The following SCN2A variants were observed in gnomAD, a reference collection of about 807,000 sequenced individuals.
SCN2A encodes sodium channel protein type 2 subunit alpha.
SCN2A carries 20 observed loss-of-function variants against 188.7 expected under a neutral mutation model. That is an observed-to-expected ratio of 0.11 (90% CI 0.07 to 0.15). The LOEUF (loss-of-function observed/expected upper bound fraction) is 0.15. Among genes scored for constraint, SCN2A ranks in the 10% least tolerant of loss-of-function variants. The pLI is 1.00. For missense variants in SCN2A, 1,278 were observed against 2,445.0 expected, an observed-to-expected ratio of 0.52 and a Z score of 10.07; for synonymous variants, 804 against 833.1, an observed-to-expected ratio of 0.97 and a Z score of 0.60.
intron 17 of SCN2A, among the ~76,000 whole-genome samples, chr2:165,359,067 C>T (rs1431514464): frequency 2.6e-5 from 4 of 152,054 alleles, no homozygotes; most frequent in Non-Finnish European, 5.9e-5. Context: ...GTGTAGTTGG[C>T]TATTTGGAAG....
intron 11 of SCN2A, among the ~76,000 whole-genome samples, chr2:165,316,454 A>T (rs888810438): frequency 1.3e-5 from 2 of 152,224 alleles, no homozygotes; most frequent in Non-Finnish European, 2.9e-5. Flanking sequence ...TTTAAAATTT[A>T]GAATCTTAAT....
At chr2:165,323,538 T>A in intron 12 of SCN2A, 38 bp downstream of exon 12, 1 of 1,546,450 alleles carries the variant, frequency 6.5e-7, no homozygotes, top group Non-Finnish European at 8.8e-7. Flanking sequence ...GTGAAGAGAG[T>A]TGTGACTGGT....
At chr2:165,337,120 A>G (rs532174840) in intron 14 of SCN2A, among the ~76,000 whole-genome samples, 1 of 152,118 alleles carries the variant, frequency 6.6e-6, no homozygotes, top group African/African-American at 2.4e-5. Context: ...GAAAAAAATG[A>G]AAACTGTAAA....
chr2:165,358,225 T>C (rs1185638530), intron 17 of SCN2A, among the ~76,000 whole-genome samples: 1 of 152,164 alleles, frequency 6.6e-6, no homozygotes, highest in Non-Finnish European at 1.5e-5. Flanking sequence ...ATGCTTTTTA[T>C]CCTCTGTCTT....
intron 26 of SCN2A, among the ~76,000 whole-genome samples, chr2:165,387,872 G>A (rs1460752869): frequency 6.6e-6 from 1 of 152,050 alleles, no homozygotes; most frequent in Admixed American, 6.6e-5. Context: ...GTAGCATTAA[G>A]AGGTAAGATT....
intron 1 of SCN2A, among the ~76,000 whole-genome samples, chr2:165,284,075 G>C (rs562271074): frequency 0.01 from 1,499 of 148,516 alleles, 20 homozygotes; most frequent in African/African-American, 0.036. Context: ...CTCTCTCTCT[G>C]TCTGTTTTTC....
At chr2:165,372,258 G>A (rs1701074675) in intron 20 of SCN2A, 1 of 152,052 alleles carries the variant, frequency 6.6e-6, no homozygotes, top group African/African-American at 2.4e-5. Context: ...ATTGTTTTCT[G>A]TATTCAAGAG....
At chr2:165,295,101 G>A (rs767907104) in intron 1 of SCN2A, among the ~76,000 whole-genome samples, 3 of 152,260 alleles carry the variant, frequency 2.0e-5, no homozygotes, top group Non-Finnish European at 2.9e-5. Flanking sequence ...CTTCCTGCCC[G>A]GTTTGGCAGG....
At position 165,310,331 on chromosome 2, in the gene SCN2A, A is replaced by T. The variant is rs1235044536; in HGVS notation, c.706A>T (p.Thr236Ser). The change falls in exon 7 of 27, where the codon ACC (threonine) becomes TCC (serine). Residue 236 changes from threonine (T) to serine (S), a missense_variant. Thr to Ser is a moderately conservative substitution (Grantham distance 58, BLOSUM62 1). Coordinates refer to ENST00000375437, the MANE Select transcript of SCN2A (RefSeq NM_001040142.2). ...KTISVIPGLK[T>S]IVGALIQSVK... ...TCTGATTTTGTTTGTAGGCCTGAAG[A>T]CCATTGTGGGGGCCCTGATCCAGTC... is the stretch of plus-strand genomic sequence containing the variant. 6.2e-7 allele frequency: 1 copy of T among 1,613,546 alleles called. No homozygotes were observed. Among genetic ancestry groups the T allele is most frequent in the Non-Finnish European group, 8.5e-7 (1 of 1,179,560 alleles).
At chr2:165,262,807 GTTC>G (rs1170436899) in intron 1 of SCN2A, among the ~76,000 whole-genome samples, 5 of 151,948 alleles carry the variant, frequency 3.3e-5, no homozygotes, top group Admixed American at 3.3e-4. Context: ...TCTACTTTTC[GTTC>G]TTAAGAACTC....
chr2:165,341,848 G>C (rs996045431), intron 14 of SCN2A, among the ~76,000 whole-genome samples: 1 of 152,168 alleles, frequency 6.6e-6, no homozygotes, highest in African/African-American at 2.4e-5. Context: ...ACTATCTGTA[G>C]AGCTAGCCGT....
chr2:165,297,838 T>C (rs1263457097), intron 3 of SCN2A, among the ~76,000 whole-genome samples: 1 of 152,220 alleles, frequency 6.6e-6, no homozygotes, highest in East Asian at 1.9e-4. Context: ...CATTTTATTT[T>C]TTATACTCCT....
Position 165,373,222 on chromosome 2 carries a change from T to C in SCN2A, c.3850-3T>C, listed in dbSNP as rs1445707939. On this transcript the variant is annotated splice_region_variant and splice_polypyrimidine_tract_variant and intron_variant, in intron 20 of 26. Transcript: ENST00000375437. ...AGAAAATTGTGTTGCTTTTTCTGTA[T>C]AGGTCTCACTGGTTAGCTTAACTGC... The C allele has an allele frequency of 3.1e-6, 5 of 1,613,126 alleles. No homozygotes were observed. In the African/African-American group the frequency reaches 4.0e-5, roughly 13 times the overall value.
intron 1 of SCN2A, among the ~76,000 whole-genome samples, chr2:165,280,957 C>T (rs779855199): frequency 3.9e-5 from 6 of 152,232 alleles, no homozygotes; most frequent in Non-Finnish European, 7.3e-5. Flanking sequence ...CATGTTGGCT[C>T]ATGCCTTTAA....
intron 1 of SCN2A, among the ~76,000 whole-genome samples, chr2:165,287,530 C>T (rs897045147): frequency 6.6e-6 from 1 of 150,780 alleles, no homozygotes; most frequent in Non-Finnish European, 1.5e-5. Context: ...TTTTTTTAAG[C>T]CATTAGGGGA....
rs1237735348 is a variant in SCN2A, at chr2:165,350,462, TTC to T, written c.2920-3728_2920-3727del. Among the ~76,000 whole-genome samples, 836 of 101,102 alleles carry T rather than the reference TTC, an allele frequency of 8.3e-3. 97 individuals carry two copies. The highest frequency in any genetic ancestry group is 0.036 in the African/African-American group (761 of 21,412). The allele number at this position is 101,102 out of a possible 152,430, so 66.3% of individuals were successfully genotyped here. ...GAGTGAGCTTGCTGAACTGTTTTCT[TTC>T]TTTTTTTTTTTTTTTTTTTTTTTTT... On this transcript the variant is annotated intron_variant, in intron 16 of 26. Transcript: ENST00000375437.
chr2:165,349,072 A>T lies in SCN2A; in HGVS notation c.2919+4161A>T, dbSNP rs116102980. Among the ~76,000 whole-genome samples, 1,165 of 152,378 alleles carry T rather than the reference A, an allele frequency of 7.6e-3. 15 individuals carry two copies. The highest frequency in any genetic ancestry group is 0.024 in the Admixed American group (374 of 15,306). ...CTTTCAGAAAAGTATAAGATCACAT[A>T]GAACAGAAAGTGCCATAGGGTTACA... On this transcript the variant is annotated intron_variant, in intron 16 of 26. Transcript: ENST00000375437.
intron 1 of SCN2A, among the ~76,000 whole-genome samples, chr2:165,286,358 G>T (rs369654385): frequency 6.6e-6 from 1 of 152,170 alleles, no homozygotes; most frequent in Non-Finnish European, 1.5e-5. Context: ...GTAATATGCC[G>T]AAGTGGAGAC....
chr2:165,344,419 A>G (rs1179172502), intron 15 of SCN2A, 136 bp from the exon 16 acceptor site: 1 of 483,906 alleles, frequency 2.1e-6, no homozygotes, highest in Non-Finnish European at 3.0e-6. Context: ...CACATTGTGC[A>G]CATGTACCCT....
Sources: gnomAD v4.1 joint callset for allele counts (sites outside exome capture counted in the v4.1 genomes callset) on GRCh38, gnomAD v4.1.1 for gene constraint, MANE v1.5 for transcripts, NCBI Gene and HGNC (gene_info 2026-07-23, HGNC 2026-07-21) for gene names.